The following HP1BP3 variants were observed in gnomAD, a reference collection of about 807,000 sequenced individuals.
The protein encoded by HP1BP3 is heterochromatin protein 1 binding protein 3, also known as heterochromatin protein 1-binding protein 3.
In HP1BP3, 12 loss-of-function variants were observed where a neutral mutation model predicts 62.5. The ratio of observed to expected loss-of-function variants is 0.19; its 90% CI spans 0.12 to 0.31. The LOEUF is 0.31. Among genes scored for constraint, HP1BP3 ranks in the 10% least tolerant of loss-of-function variants. The probability of loss-of-function intolerance (pLI) is 1.00; values close to 1 mark genes in which losing one functional copy is unlikely to be tolerated. For missense variants in HP1BP3, 502 were observed against 651.8 expected, an observed-to-expected ratio of 0.77 and a Z score of 2.50; for synonymous variants, 260 against 237.8, an observed-to-expected ratio of 1.09 and a Z score of -0.86.
At chr1:20,747,824 C>T (rs937220244) in intron 10 of HP1BP3, among the ~76,000 whole-genome samples, 169 bp from the exon 11 acceptor site, 9 of 152,108 alleles carry the variant, frequency 5.9e-5, no homozygotes, top group African/African-American at 2.2e-4. Context: ...TTACTTATTG[C>T]CCATAAGTTT....
At chr1:20,782,490 G>A (rs982509558) in intron 1 of HP1BP3, among the ~76,000 whole-genome samples, 5 of 152,006 alleles carry the variant, frequency 3.3e-5, no homozygotes, top group African/African-American at 9.7e-5. Flanking sequence ...AGCTGAGACT[G>A]GGAGGACTGC....
intron 9 of HP1BP3, among the ~76,000 whole-genome samples, chr1:20,750,508 CAG>C (rs2055666545): frequency 6.6e-6 from 1 of 150,470 alleles, no homozygotes; most frequent in South Asian, 2.1e-4. Context: ...GCCTCGGCGA[CAG>C]AGTAAGATTC....
chr1:20,766,978 C>A (rs1409964312), intron 7 of HP1BP3, among the ~76,000 whole-genome samples: 1 of 152,042 alleles, frequency 6.6e-6, no homozygotes, highest in Non-Finnish European at 1.5e-5. Flanking sequence ...AACAAAAAAA[C>A]AGAGGACTCT....
At chr1:20,755,278 C>G (rs930754265) in intron 9 of HP1BP3, 2 of 383,580 alleles carry the variant, frequency 5.2e-6, no homozygotes, top group Non-Finnish European at 1.1e-5. Flanking sequence ...TGGAGAAACT[C>G]GAGCCCTGGT....
In HP1BP3 at chr1:20,745,180, C is replaced by T. The variant is rs147163463; in HGVS notation, c.1368-89G>A. ...CCAGATGCTTTCTAAAGAGAAACGGCATATGAAGTGGTCACTTACGTTAAG... is the reference window on the plus strand; with the variant it reads ...CCAGATGCTTTCTAAAGAGAAACGGTATATGAAGTGGTCACTTACGTTAAG... On this transcript the variant is annotated intron_variant, in intron 12 of 12. Coordinates refer to ENST00000438032, the MANE Select transcript of HP1BP3 (RefSeq NM_001372052.1). 8.6e-6 allele frequency: 12 copies of T among 1,399,906 alleles called. No individual in the cohort carries two copies. The African/African-American group carries it at 1.4e-4, about 17-fold the overall frequency. The allele number at this position is 1,399,906 out of a possible 1,614,324, so 86.7% of individuals were successfully genotyped here. A position where few individuals can be genotyped will look rare whatever the true frequency, so the allele number is the denominator to read the frequency against.
intron 2 of HP1BP3, 119 bp downstream of exon 2, chr1:20,780,226 C>T: frequency 1.4e-6 from 1 of 724,972 alleles, no homozygotes; most frequent in Non-Finnish European, 2.4e-6. Flanking sequence ...GATTTTGTTT[C>T]AAATTCACAA....
intron 7 of HP1BP3, among the ~76,000 whole-genome samples, chr1:20,765,964 CAA>C (rs34214380): frequency 4.3e-5 from 3 of 69,642 alleles, no homozygotes; most frequent in African/African-American, 5.6e-5. Flanking sequence ...GACTCCGTCT[CAA>C]AAAAAAAAAA....
chr1:20,746,381 G>A (rs1029508006), intron 11 of HP1BP3, among the ~76,000 whole-genome samples: 1 of 152,088 alleles, frequency 6.6e-6, no homozygotes, highest in African/African-American at 2.4e-5. Context: ...TTGTGTGTGT[G>A]TGACTTTGGG....
chr1:20,751,986 G>A (rs111513222), intron 9 of HP1BP3, among the ~76,000 whole-genome samples: 2 of 152,090 alleles, frequency 1.3e-5, no homozygotes, highest in African/African-American at 4.8e-5. Flanking sequence ...TATGCCAGAC[G>A]CAGTGGCTCA....
At position 20,744,675 on chromosome 1, in the gene HP1BP3, C is replaced by T; in HGVS notation, c.*122G>A. ...AACTGGTTTATTTAGAGTCCCTCCCCACAATGTTCATAGGGGAGGAAAATA... is the reference window on the plus strand; with the variant it reads ...AACTGGTTTATTTAGAGTCCCTCCCTACAATGTTCATAGGGGAGGAAAATA... On this transcript the variant is annotated 3_prime_UTR_variant, in exon 13 of 13. Coordinates refer to ENST00000438032, the MANE Select transcript of HP1BP3 (RefSeq NM_001372052.1). The T allele has an allele frequency of 1.1e-6, 1 of 950,388 alleles. No homozygotes were observed. The allele number at this position is 950,388 out of a possible 1,614,324, so 58.9% of individuals were successfully genotyped here.
intron 5 of HP1BP3, among the ~76,000 whole-genome samples, chr1:20,772,185 C>T (rs544773433): frequency 6.6e-6 from 1 of 152,268 alleles, no homozygotes; most frequent in East Asian, 1.9e-4. Flanking sequence ...CATCATGATT[C>T]CTGTTCAATA....
At chr1:20,776,256 C>T (rs1252307046) in intron 4 of HP1BP3, 1 of 441,150 alleles carries the variant, frequency 2.3e-6, no homozygotes, top group African/African-American at 2.0e-5. Context: ...GAAATGTCTT[C>T]TAGGTCAGAT....
chr1:20,740,836 G>T lies in HP1BP3; in HGVS notation c.*3961C>A, dbSNP rs971278703. Reference sequence around the variant, plus strand: ...CATCTCAAAAAAATAATAAGTAAAAGAATATAGTTATAAAGACGGTAGAGA... The same window carrying T: ...CATCTCAAAAAAATAATAAGTAAAATAATATAGTTATAAAGACGGTAGAGA... On this transcript the variant is annotated 3_prime_UTR_variant, in exon 13 of 13. Coordinates refer to ENST00000438032, the MANE Select transcript of HP1BP3 (RefSeq NM_001372052.1). Among the ~76,000 whole-genome samples the T allele has an allele frequency of 8.5e-5, 13 of 152,314 alleles. No individual in the cohort carries two copies. Among genetic ancestry groups the T allele is most frequent in the African/African-American group, 3.1e-4 (13 of 41,580 alleles).
At chr1:20,784,682 T>C (rs1044972862) in intron 1 of HP1BP3, among the ~76,000 whole-genome samples, 1 of 152,098 alleles carries the variant, frequency 6.6e-6, no homozygotes, top group African/African-American at 2.4e-5. Context: ...TTCACCGTGT[T>C]AGCCAGGATG....
intron 1 of HP1BP3, among the ~76,000 whole-genome samples, chr1:20,783,129 T>C (rs1035343895): frequency 6.6e-6 from 1 of 151,612 alleles, no homozygotes; most frequent in Non-Finnish European, 1.5e-5. Flanking sequence ...ATAATAATAA[T>C]AATAAAAGTT....
At chr1:20,759,925 G>C (rs1257423197) in intron 8 of HP1BP3, among the ~76,000 whole-genome samples, 1 of 128,270 alleles carries the variant, frequency 7.8e-6, no homozygotes, top group Admixed American at 9.8e-5. Flanking sequence ...GTCTTGCTCT[G>C]TCGCCCAGGC....
chr1:20,754,922 C>A (rs1325237002), intron 9 of HP1BP3, among the ~76,000 whole-genome samples: 1 of 152,044 alleles, frequency 6.6e-6, no homozygotes, highest in Admixed American at 6.6e-5. Context: ...TCTTAGATAA[C>A]CATAAAACTG....
chr1:20,784,275 T>C (rs1570693745), intron 1 of HP1BP3, among the ~76,000 whole-genome samples: 1 of 152,062 alleles, frequency 6.6e-6, no homozygotes, highest in Non-Finnish European at 1.5e-5. Context: ...TGACCCAGTG[T>C]ACCTATTAAC....
At chr1:20,780,216 G>A in intron 2 of HP1BP3, 129 bp downstream of exon 2, 1 of 685,946 alleles carries the variant, frequency 1.5e-6, no homozygotes. Context: ...AAAAGAATCT[G>A]ATTTTGTTTC....
Sources: allele counts gnomAD v4.1 joint callset (sites outside exome capture counted in the v4.1 genomes callset), GRCh38; gene constraint gnomAD v4.1.1; transcripts MANE v1.5; gene names NCBI Gene and HGNC (gene_info 2026-07-23, HGNC 2026-07-21).